CTNNA2: variants seen among roughly 807,000 people sequenced by gnomAD.
CTNNA2 encodes catenin alpha 2.
Under a neutral mutation model 101.0 loss-of-function variants are expected in CTNNA2, and 42 were observed. That is an observed-to-expected ratio of 0.42 (90% CI 0.32 to 0.54). The LOEUF (loss-of-function observed/expected upper bound fraction) is 0.54, where lower values mean the gene tolerates loss of function less well. CTNNA2 is among the 20% of genes least tolerant of loss of function. The pLI is 0.14. For synonymous variants in CTNNA2, 450 were observed against 456.4 expected (o/e 0.99, Z 0.18); for missense variants, 871 against 1,223.1 (o/e 0.71, Z 4.29).
chr2:79,486,180 C>T (rs963747215), intron 4 of CTNNA2, among the ~76,000 whole-genome samples: 1 of 151,816 alleles, frequency 6.6e-6, no homozygotes, highest in South Asian at 2.1e-4. Context: ...CCCATTAACT[C>T]GTCATTTAAC....
intron 7 of CTNNA2, among the ~76,000 whole-genome samples, chr2:79,983,416 C>T (rs1323175361): frequency 4.6e-5 from 7 of 151,986 alleles, no homozygotes; most frequent in African/African-American, 1.2e-4. Flanking sequence ...AAGAAACTGA[C>T]CCAGTGCGAC....
At position 80,382,085 on chromosome 2, in the gene CTNNA2, C is replaced by T. The variant is rs967161141; in HGVS notation, c.1057-11126C>T. 2.0e-4 allele frequency among the ~76,000 whole-genome samples: 31 copies of T among 152,124 alleles called. 1 individual carries two copies. On this transcript the variant is annotated intron_variant, in intron 7 of 18. Coordinates refer to ENST00000402739, the MANE Select transcript of CTNNA2 (RefSeq NM_001282597.3). ...GTAAAAAGGGAATGAGAGTAGGCAA[C>T]AATATGACTCTACCGTTGGTGAAGT...
At chr2:80,170,317 G>A (rs564725641) in intron 7 of CTNNA2, among the ~76,000 whole-genome samples, 2 of 151,896 alleles carry the variant, frequency 1.3e-5, no homozygotes, top group South Asian at 4.2e-4. Context: ...AGGAGGCCAA[G>A]CACTTTGAGT....
intron 7 of CTNNA2, among the ~76,000 whole-genome samples, chr2:80,219,383 C>T (rs1388521721): frequency 6.6e-6 from 1 of 152,176 alleles, no homozygotes; most frequent in East Asian, 1.9e-4. Flanking sequence ...TATCTTAATA[C>T]ACAATGTTCC....
chr2:80,131,240 G>T (rs2148894710), intron 7 of CTNNA2, among the ~76,000 whole-genome samples: 1 of 152,180 alleles, frequency 6.6e-6, no homozygotes, highest in Non-Finnish European at 1.5e-5. Flanking sequence ...TGTATATTTA[G>T]TAGACACGAG....
intron 9 of CTNNA2, among the ~76,000 whole-genome samples, chr2:80,471,879 C>T (rs1685333750): frequency 2.0e-5 from 3 of 151,966 alleles, no homozygotes; most frequent in African/African-American, 4.8e-5. Context: ...GTAATCACAG[C>T]GTTTAGGAGG....
At chr2:79,908,523 GA>G (rs1408957590) in intron 6 of CTNNA2, among the ~76,000 whole-genome samples, 1 of 152,146 alleles carries the variant, frequency 6.6e-6, no homozygotes, top group Non-Finnish European at 1.5e-5. Context: ...GCTTCAGGCA[GA>G]AAAGGCTCCC....
intron 2 of CTNNA2, among the ~76,000 whole-genome samples, chr2:79,707,912 A>G (rs1167143030): frequency 2.0e-5 from 3 of 152,214 alleles, no homozygotes; most frequent in African/African-American, 7.2e-5. Flanking sequence ...GATCCTGTGT[A>G]TCTTCTCTAA....
At chr2:80,090,172 GTGTGTGTGTGTGTGTGTT>G (rs1204519154) in intron 7 of CTNNA2, among the ~76,000 whole-genome samples, 3 of 125,094 alleles carry the variant, frequency 2.4e-5, no homozygotes, top group East Asian at 6.8e-4. Flanking sequence ...GTGTGTGTGT[GTGTGTGTGTGTGTGTGTT>G]TGTGTGTATG....
chr2:79,383,558 A>G (rs1054093612), intron 4 of CTNNA2, among the ~76,000 whole-genome samples: 7 of 152,166 alleles, frequency 4.6e-5, no homozygotes, highest in Non-Finnish European at 1.5e-5. Context: ...TGGGAAGTAT[A>G]TACTTACCTC....
At chr2:80,027,462 G>A (rs113767737) in intron 7 of CTNNA2, among the ~76,000 whole-genome samples, 1 of 152,212 alleles carries the variant, frequency 6.6e-6, no homozygotes, top group Non-Finnish European at 1.5e-5. Context: ...TTGACATCAG[G>A]CTTCATTTTT....
intron 7 of CTNNA2, among the ~76,000 whole-genome samples, chr2:80,193,701 A>G (rs1421145267): frequency 6.6e-6 from 1 of 152,082 alleles, no homozygotes; most frequent in African/African-American, 2.4e-5. Flanking sequence ...TGGTGGTTTG[A>G]GCTCTTATCA....
At chr2:80,515,004 T>G (rs895644909) in intron 9 of CTNNA2, among the ~76,000 whole-genome samples, 3 of 152,170 alleles carry the variant, frequency 2.0e-5, no homozygotes, top group Admixed American at 6.5e-5. Flanking sequence ...TTCTCTGCCT[T>G]CTTCCTCTAT....
At chr2:80,073,836 T>A (rs950154785) in intron 7 of CTNNA2, among the ~76,000 whole-genome samples, 1 of 152,132 alleles carries the variant, frequency 6.6e-6, no homozygotes, top group African/African-American at 2.4e-5. Flanking sequence ...CTTAATCATT[T>A]TTCAATGTCA....
intron 18 of CTNNA2, among the ~76,000 whole-genome samples, chr2:80,641,686 T>TTACTTAACTATTCCC (rs1182183731): frequency 6.6e-6 from 1 of 152,154 alleles, no homozygotes; most frequent in Non-Finnish European, 1.5e-5. Context: ...AGATTGCTAA[T>TTACTTAACTATTCCC]TACTTAACTA....
At chr2:80,203,904 A>G (rs1194677274) in intron 7 of CTNNA2, among the ~76,000 whole-genome samples, 1 of 152,172 alleles carries the variant, frequency 6.6e-6, no homozygotes, top group Non-Finnish European at 1.5e-5. Context: ...ATCTAGGCGG[A>G]GGTTCCCAAA....
chr2:79,900,700 A>G (rs759789694), intron 6 of CTNNA2, among the ~76,000 whole-genome samples: 7 of 152,214 alleles, frequency 4.6e-5, no homozygotes, highest in Non-Finnish European at 8.8e-5. Context: ...TTACCCAGTT[A>G]TACCCCAAGA....
intron 1 of CTNNA2, among the ~76,000 whole-genome samples, chr2:79,550,104 T>A (rs1674000305): frequency 6.6e-6 from 1 of 152,136 alleles, no homozygotes. Flanking sequence ...GGGGGCACAA[T>A]AATGTTTCAG....
Position 80,598,251 on chromosome 2 carries a change from A to G in CTNNA2, c.2190-5823A>G, listed in dbSNP as rs1047555632. Among the ~76,000 whole-genome samples, 12 of 152,174 alleles carry G rather than the reference A, an allele frequency of 7.9e-5. 1 individual carries two copies. The highest frequency in any genetic ancestry group is 4.6e-4 in the Admixed American group (7 of 15,278). On this transcript the variant is annotated intron_variant, in intron 15 of 18. Transcript: ENST00000402739. ...CTCACTCATAAGTAGGAGTTGAACA[A>G]TGAAAACACATGGACACAGGGAGGG... is the stretch of plus-strand genomic sequence containing the variant.
Sources: allele counts gnomAD v4.1 joint callset (sites outside exome capture counted in the v4.1 genomes callset), GRCh38; gene constraint gnomAD v4.1.1; transcripts MANE v1.5; gene names NCBI Gene and HGNC (gene_info 2026-07-23, HGNC 2026-07-21).